PTPRD: variants seen among roughly 807,000 people sequenced by gnomAD.
PTPRD encodes the protein receptor-type tyrosine-protein phosphatase delta.
A neutral mutation model predicts 214.5 loss-of-function variants in PTPRD; 34 were observed. The ratio of observed to expected loss-of-function variants is 0.16; its 90% confidence interval spans 0.12 to 0.21. The LOEUF (loss-of-function observed/expected upper bound fraction) is 0.21, where lower values mean the gene tolerates loss of function less well. Ranked by LOEUF, PTPRD falls within the 10% of genes least tolerant of loss-of-function variation. The probability of loss-of-function intolerance (pLI) is 1.00; values close to 1 mark genes in which losing one functional copy is unlikely to be tolerated. For missense variants in PTPRD, 2,545 were observed against 2,398.7 expected (o/e 1.06, Z -1.27); for synonymous variants, 1,128 against 845.7 (o/e 1.33, Z -5.79).
At chr9:10,440,481 G>T (rs544115953) in intron 2 of PTPRD, among the ~76,000 whole-genome samples, 8 of 151,854 alleles carry the variant, frequency 5.3e-5, no homozygotes, top group Admixed American at 4.0e-4. Context: ...TAAAGAAAGG[G>T]TGGTCTGGAG....
chr9:9,569,741 C>G (rs562846141), intron 8 of PTPRD, among the ~76,000 whole-genome samples: 1 of 151,370 alleles, frequency 6.6e-6, no homozygotes, highest in Non-Finnish European at 1.5e-5. Flanking sequence ...CCTGACATGT[C>G]GGGAACGGGG....
intron 5 of PTPRD, among the ~76,000 whole-genome samples, chr9:9,868,652 G>T (rs1254308716): frequency 6.6e-6 from 1 of 151,854 alleles, no homozygotes; most frequent in Non-Finnish European, 1.5e-5. Flanking sequence ...GTGTAACAGG[G>T]TTTGGCTAGT....
chr9:10,067,707 A>C (rs2097910957), intron 3 of PTPRD, among the ~76,000 whole-genome samples: 1 of 151,886 alleles, frequency 6.6e-6, no homozygotes, highest in East Asian at 1.9e-4. Context: ...CTAGAGTTCA[A>C]ACCAAAGTCT....
At chr9:8,855,246 G>A (rs2097894652) in intron 11 of PTPRD, among the ~76,000 whole-genome samples, 2 of 151,944 alleles carry the variant, frequency 1.3e-5, no homozygotes, top group African/African-American at 4.8e-5. Flanking sequence ...AGCAGCAGAT[G>A]AGGGGATTCC....
chr9:8,604,677 G>A (rs2095095101), intron 14 of PTPRD, among the ~76,000 whole-genome samples: 2 of 152,072 alleles, frequency 1.3e-5, no homozygotes, highest in Non-Finnish European at 2.9e-5. Context: ...AAAAGAGGAG[G>A]TCAAATTTAA....
intron 3 of PTPRD, among the ~76,000 whole-genome samples, chr9:10,034,476 G>A (rs977329325): frequency 6.9e-6 from 1 of 145,642 alleles, no homozygotes; most frequent in East Asian, 2.0e-4. Context: ...TTGTTACATA[G>A]GGAAACGTGT....
At chr9:10,484,628 CTGA>C (rs1216725784) in intron 2 of PTPRD, among the ~76,000 whole-genome samples, 1 of 152,184 alleles carries the variant, frequency 6.6e-6, no homozygotes, top group South Asian at 2.1e-4. Context: ...TTGCATTTCT[CTGA>C]TGATCAATGA....
chr9:9,223,665 T>C (rs1162022053), intron 9 of PTPRD, among the ~76,000 whole-genome samples: 1 of 151,994 alleles, frequency 6.6e-6, no homozygotes, highest in Non-Finnish European at 1.5e-5. Context: ...AGCAAATTGG[T>C]ATTATTAAAA....
chr9:8,947,078 T>C (rs1342112181), intron 11 of PTPRD, among the ~76,000 whole-genome samples: 4 of 151,056 alleles, frequency 2.6e-5, no homozygotes, highest in Non-Finnish European at 5.9e-5. Context: ...GTTTTATTTA[T>C]CTCTTACTCC....
intron 30 of PTPRD, among the ~76,000 whole-genome samples, chr9:8,472,956 G>C (rs1449794148): frequency 6.6e-6 from 1 of 152,104 alleles, no homozygotes; most frequent in African/African-American, 2.4e-5. Context: ...TGTGATATGG[G>C]GGGAAATAAA....
intron 8 of PTPRD, among the ~76,000 whole-genome samples, chr9:9,403,074 G>C (rs923472921): frequency 1.5e-4 from 22 of 150,346 alleles, no homozygotes; most frequent in African/African-American, 4.9e-4. Context: ...TGGATCACTT[G>C]AGGTTAGAAA....
intron 3 of PTPRD, among the ~76,000 whole-genome samples, chr9:10,303,640 G>A (rs2095946217): frequency 6.6e-6 from 1 of 151,916 alleles, no homozygotes; most frequent in Admixed American, 6.6e-5. Flanking sequence ...ATCATCTGTA[G>A]GCAAATAAAC....
intron 30 of PTPRD, among the ~76,000 whole-genome samples, chr9:8,475,799 G>A (rs994281088): frequency 3.9e-5 from 6 of 152,042 alleles, no homozygotes; most frequent in African/African-American, 1.4e-4. Context: ...CAGTGCACGT[G>A]CTTTTCTCCA....
At chr9:9,323,988 C>T (rs1175805183) in intron 9 of PTPRD, among the ~76,000 whole-genome samples, 3 of 152,140 alleles carry the variant, frequency 2.0e-5, no homozygotes, top group African/African-American at 7.2e-5. Context: ...TGGTTTCCAG[C>T]TTCATCCATG....
intron 4 of PTPRD, among the ~76,000 whole-genome samples, chr9:10,023,586 T>C (rs1425149479): frequency 6.6e-6 from 1 of 152,074 alleles, no homozygotes; most frequent in South Asian, 2.1e-4. Context: ...TCATGATCTC[T>C]CATGCATTTT....
At chr9:9,129,573 G>T (rs1318337278) in intron 10 of PTPRD, among the ~76,000 whole-genome samples, 10 of 152,172 alleles carry the variant, frequency 6.6e-5, no homozygotes, top group Admixed American at 5.2e-4. Flanking sequence ...TTAATGACCA[G>T]ATTTACAAAT....
chr9:8,600,525 A>G (rs1318029176), intron 14 of PTPRD, among the ~76,000 whole-genome samples: 1 of 151,594 alleles, frequency 6.6e-6, no homozygotes, highest in Non-Finnish European at 1.5e-5. Flanking sequence ...TTGAGAATAG[A>G]AGAGGAAAGA....
At chr9:10,390,308 A>T (rs1024882010) in intron 2 of PTPRD, among the ~76,000 whole-genome samples, 1 of 151,812 alleles carries the variant, frequency 6.6e-6, no homozygotes, top group Admixed American at 6.6e-5. Context: ...CCTCCATTTC[A>T]TTATAATCAA....
At chr9:8,474,483 T>C (rs10977145) in intron 30 of PTPRD, among the ~76,000 whole-genome samples, 6,105 of 152,232 alleles carry the variant, frequency 0.04, 405 homozygotes, top group African/African-American at 0.14. Flanking sequence ...CCATTCTCTG[T>C]GCCAGAATCC....
Sources: allele counts gnomAD v4.1 joint callset (sites outside exome capture counted in the v4.1 genomes callset), GRCh38; gene constraint gnomAD v4.1.1; transcripts MANE v1.5; gene names NCBI Gene and HGNC (gene_info 2026-07-23, HGNC 2026-07-21).